The following USH2A variants were observed in gnomAD, a reference collection of about 807,000 sequenced individuals.
USH2A encodes usherin, also known as Usher syndrome 2A (autosomal recessive, mild).
A neutral mutation model predicts 538.9 loss-of-function variants in USH2A; 443 were observed. That is an observed-to-expected ratio of 0.82 (90% confidence interval 0.76 to 0.89). USH2A has a LOEUF of 0.89. USH2A is among the 40% of genes least tolerant of loss of function. The pLI, the probability that USH2A is intolerant of heterozygous loss-of-function variation, is 0.00. For synonymous variants in USH2A, 2,413 were observed against 2,273.5 expected (o/e 1.06, Z -1.75); for missense variants, 6,633 against 6,324.8 (o/e 1.05, Z -1.65).
intron 41 of USH2A, among the ~76,000 whole-genome samples, chr1:215,883,910 C>T (rs1238633416): frequency 2.0e-5 from 3 of 152,132 alleles, no homozygotes; most frequent in African/African-American, 7.2e-5. Flanking sequence ...TTTTATCCAG[C>T]TTCATCCTTG....
At chr1:215,943,763 T>G (rs1027534140) in intron 37 of USH2A, among the ~76,000 whole-genome samples, 1 of 152,176 alleles carries the variant, frequency 6.6e-6, no homozygotes, top group African/African-American at 2.4e-5. Context: ...AGGCATAAGC[T>G]GGTCTGGGCT....
chr1:215,818,260 A>T (rs1036515569), intron 47 of USH2A, among the ~76,000 whole-genome samples: 2 of 151,824 alleles, frequency 1.3e-5, no homozygotes, highest in Non-Finnish European at 2.9e-5. Context: ...AGTCAACTAT[A>T]TATCTAGAGC....
rs1013283589 is a variant in USH2A at position 215,799,078 on chromosome 1, T to C, written c.9787A>G (p.Ile3263Val). ...DEQHNRVSVG[I>V]GDSCCGRMPY... ...ATTCTGCCACAGCAGGAATCACCAA[T>C]GCCAACAGAAACCCGATTGTGCTGT... The change falls in exon 50 of 72, where the codon ATT (isoleucine) becomes GTT (valine). Residue 3263 changes from isoleucine to valine, a missense_variant. Ile to Val is a conservative substitution (Grantham distance 29, BLOSUM62 3). Coordinates refer to ENST00000307340, the MANE Select transcript of USH2A (RefSeq NM_206933.4). 1.9e-6 allele frequency: 3 copies of C among 1,614,074 alleles called. No homozygotes were observed. Among genetic ancestry groups the C allele is most frequent in the East Asian group, 2.2e-5 (1 of 44,848 alleles).
chr1:215,888,591 C>T lies in USH2A; in HGVS notation c.8058G>A (p.Lys2686=), dbSNP rs200581183. ...TTGTCCATGGGCTAAGAGCAGAAGT[C>T]TTGTCAATAAACCTCATGGAATGAC... ...PRSHSMRFID[K]TSALSPWTKY... Residue 2686 remains lysine (K), a synonymous_variant, in exon 41 of 72, where the codon AAG becomes AAA. Coordinates refer to ENST00000307340, the MANE Select transcript of USH2A (RefSeq NM_206933.4). 4 of 1,614,174 alleles carry T rather than the reference C, an allele frequency of 2.5e-6. No individual in the cohort carries two copies. Among genetic ancestry groups the T allele is most frequent in the Non-Finnish European group, 3.4e-6 (4 of 1,180,028 alleles).
chr1:215,635,704 C>G (rs527355865), intron 69 of USH2A, among the ~76,000 whole-genome samples: 10 of 151,730 alleles, frequency 6.6e-5, no homozygotes, highest in Non-Finnish European at 1.0e-4. Flanking sequence ...TACAGGTGTG[C>G]GCCACTATGC....
intron 47 of USH2A, among the ~76,000 whole-genome samples, chr1:215,827,648 C>T (rs761098068): frequency 1.4e-4 from 22 of 152,102 alleles, no homozygotes; most frequent in Non-Finnish European, 2.2e-4. Flanking sequence ...TGGATCTGTA[C>T]GAATTGCACT....
intron 21 of USH2A, among the ~76,000 whole-genome samples, chr1:216,102,505 A>C (rs2032606760): frequency 6.6e-6 from 1 of 152,092 alleles, no homozygotes; most frequent in Non-Finnish European, 1.5e-5. Flanking sequence ...GTATTTATTA[A>C]GTTATACTTG....
intron 30 of USH2A, among the ~76,000 whole-genome samples, chr1:216,059,134 G>A (rs956868062): frequency 1.3e-5 from 2 of 152,100 alleles, no homozygotes; most frequent in Non-Finnish European, 2.9e-5. Flanking sequence ...TATATAGAGA[G>A]AGAGCATATT....
At chr1:216,162,761 T>C (rs1177821932) in intron 21 of USH2A, among the ~76,000 whole-genome samples, 1 of 152,062 alleles carries the variant, frequency 6.6e-6, no homozygotes, top group South Asian at 2.1e-4. Context: ...GTTTCTCTAC[T>C]GTGGTTAAGT....
rs1313949805 is a variant in USH2A, at chr1:216,321,875, G to C, written c.1644+8C>G. 6.2e-7 allele frequency: 1 copy of C among 1,611,498 alleles called. No individual in the cohort carries two copies. The highest frequency in any genetic ancestry group is 1.3e-5 in the African/African-American group (1 of 74,850). On this transcript the variant is annotated splice_region_variant and intron_variant, in intron 9 of 71. Coordinates refer to ENST00000307340, the MANE Select transcript of USH2A (RefSeq NM_206933.4). ...TTTTTAGATTTCCATGCATAAAATA[G>C]AACTCACATGAAGTCCTTCAGTGAA...
chr1:215,905,976 C>G (rs1351765535), intron 38 of USH2A, among the ~76,000 whole-genome samples: 1 of 152,070 alleles, frequency 6.6e-6, no homozygotes, highest in Non-Finnish European at 1.5e-5. Flanking sequence ...GAAATAGCTA[C>G]ATATGAGCAA....
At chr1:215,889,785 G>T (rs1665163370) in intron 40 of USH2A, among the ~76,000 whole-genome samples, 1 of 152,152 alleles carries the variant, frequency 6.6e-6, no homozygotes, top group South Asian at 2.1e-4. Context: ...CCATATGCCT[G>T]CATAGGTGTT....
chr1:216,044,511 T>C (rs1367158923), intron 32 of USH2A, among the ~76,000 whole-genome samples: 1 of 152,196 alleles, frequency 6.6e-6, no homozygotes, highest in East Asian at 1.9e-4. Context: ...AAGATACTGT[T>C]GGAGTAAGAT....
intron 3 of USH2A, among the ~76,000 whole-genome samples, chr1:216,403,474 T>C (rs1558073253): frequency 6.6e-6 from 1 of 152,074 alleles, no homozygotes; most frequent in African/African-American, 2.4e-5. Context: ...TTGGAAAGAT[T>C]AAAAAAACTG....
At chr1:216,032,729 AT>A (rs1328780804) in intron 32 of USH2A, among the ~76,000 whole-genome samples, 1 of 152,106 alleles carries the variant, frequency 6.6e-6, no homozygotes, top group Non-Finnish European at 1.5e-5. Context: ...CATCATTGAG[AT>A]GGAGGGAGCC....
In USH2A at chr1:215,970,761, T is replaced by A; in HGVS notation, c.6821A>T (p.Tyr2274Phe). The change falls in exon 36 of 72, where the codon TAT becomes TTT. Residue 2274 changes from tyrosine (Y) to phenylalanine (F), a missense_variant. Physicochemically the swap from Tyr to Phe is conservative, Grantham distance 22 (BLOSUM62 3). Transcript: ENST00000307340. ...TAATATACCATCTAGATATAATCCA[T>A]AACTCGTGATAACACCTGGGAAGAT... ...PEYPNGVITS[Y>F]GLYLDGILIH... 2 of 1,613,418 alleles carry A rather than the reference T, an allele frequency of 1.2e-6. No individual in the cohort carries two copies. Among genetic ancestry groups the A allele is most frequent in the Non-Finnish European group, 1.7e-6 (2 of 1,179,508 alleles).
intron 58 of USH2A, among the ~76,000 whole-genome samples, chr1:215,750,118 T>C (rs1253694725): frequency 6.6e-6 from 1 of 152,182 alleles, no homozygotes; most frequent in African/African-American, 2.4e-5. Flanking sequence ...TTAATTCGGT[T>C]TGATAGAGGC....
chr1:216,339,463 G>A (rs1369339376), intron 4 of USH2A, among the ~76,000 whole-genome samples: 2 of 151,636 alleles, frequency 1.3e-5, no homozygotes, highest in Non-Finnish European at 3.0e-5. Flanking sequence ...ACATGATAAT[G>A]ATAAATGTAA....
At chr1:215,734,355 C>T (rs1283529557) in intron 60 of USH2A, among the ~76,000 whole-genome samples, 1 of 152,204 alleles carries the variant, frequency 6.6e-6, no homozygotes, top group Non-Finnish European at 1.5e-5. Context: ...CCATTCTTTC[C>T]TCCTAGGCCT....
Sources: gnomAD v4.1 joint callset for allele counts (sites outside exome capture counted in the v4.1 genomes callset) on GRCh38, gnomAD v4.1.1 for gene constraint, MANE v1.5 for transcripts, NCBI Gene and HGNC (gene_info 2026-07-23, HGNC 2026-07-21) for gene names.